PRKCE: variants seen among roughly 807,000 people sequenced by gnomAD.
PRKCE encodes the protein protein kinase C epsilon.
PRKCE carries 16 observed loss-of-function variants against 85.4 expected under a neutral mutation model. That is an observed-to-expected ratio of 0.19 (90% CI 0.13 to 0.28). The LOEUF (loss-of-function observed/expected upper bound fraction) is 0.28, where lower values mean the gene tolerates loss of function less well. Ranked by LOEUF, PRKCE falls within the 10% of genes least tolerant of loss-of-function variation. The pLI, the probability that PRKCE is intolerant of heterozygous loss-of-function variation, is 1.00. For synonymous variants in PRKCE, 388 were observed against 371.5 expected, an observed-to-expected ratio of 1.04 and a Z score of -0.51; for missense variants, 573 against 975.2, an observed-to-expected ratio of 0.59 and a Z score of 5.49.
intron 2 of PRKCE, among the ~76,000 whole-genome samples, chr2:45,918,854 A>G (rs1698032718): frequency 6.6e-6 from 1 of 152,218 alleles, no homozygotes; most frequent in Admixed American, 6.5e-5. Flanking sequence ...CCCAAAGGAC[A>G]GGCCGTATTA....
intron 2 of PRKCE, among the ~76,000 whole-genome samples, chr2:45,948,126 A>G (rs62128989): frequency 0.45 from 68,084 of 152,066 alleles, 15,633 homozygotes; most frequent in Middle Eastern, 0.56. Context: ...ACTGTGCAGA[A>G]CAATCACTTA....
intron 2 of PRKCE, among the ~76,000 whole-genome samples, chr2:45,926,471 A>G (rs1698626655): frequency 6.6e-6 from 1 of 152,112 alleles, no homozygotes; most frequent in Non-Finnish European, 1.5e-5. Flanking sequence ...TGGCGGTGAT[A>G]GTGGTGATAA....
At chr2:45,856,062 TA>T (rs199998110) in intron 2 of PRKCE, among the ~76,000 whole-genome samples, 1 of 151,418 alleles carries the variant, frequency 6.6e-6, no homozygotes, top group Middle Eastern at 3.2e-3. Context: ...TTCTTTCTTT[TA>T]AAAAAATTTT....
intron 1 of PRKCE, among the ~76,000 whole-genome samples, chr2:45,831,892 A>G (rs1218520448): frequency 6.6e-6 from 1 of 152,114 alleles, no homozygotes; most frequent in Non-Finnish European, 1.5e-5. Flanking sequence ...AAATAACACA[A>G]AAATATATAA....
intron 1 of PRKCE, among the ~76,000 whole-genome samples, chr2:45,832,056 C>A (rs1483607538): frequency 6.6e-6 from 1 of 152,030 alleles, no homozygotes; most frequent in East Asian, 1.9e-4. Context: ...TAAAACTGTT[C>A]TTTTTCTCAC....
At chr2:45,808,072 G>A (rs1368159509) in intron 1 of PRKCE, among the ~76,000 whole-genome samples, 3 of 152,140 alleles carry the variant, frequency 2.0e-5, no homozygotes, top group South Asian at 2.1e-4. Flanking sequence ...TCATGGTAGC[G>A]CATAGTGGTC....
chr2:45,845,925 G>A (rs888718975), intron 2 of PRKCE, among the ~76,000 whole-genome samples: 3 of 152,186 alleles, frequency 2.0e-5, no homozygotes, highest in Non-Finnish European at 2.9e-5. Context: ...GTCAGAGCTC[G>A]TGGCTGAGGG....
In PRKCE at chr2:46,159,719, G is replaced by C; in HGVS notation, c.2034G>C (p.Gln678His). The change falls in exon 14 of 15, where the codon CAG (glutamine) becomes CAC (histidine). Residue 678 changes from glutamine to histidine, a missense_variant. Gln to His is a conservative substitution (Grantham distance 24). Transcript: ENST00000306156. The surrounding 1 kb of genome is among the most constrained non-coding windows in gnomAD (Gnocchi z 4.1). ...AGATTGACTGGGTGCTCCTGGAGCAGAAGAAGATCAAGCCACCCTTCAAAC... is the reference window on the plus strand; with the variant it reads ...AGATTGACTGGGTGCTCCTGGAGCACAAGAAGATCAAGCCACCCTTCAAAC... ...FKEIDWVLLE[Q>H]KKIKPPFKPR... 1 of 1,599,344 alleles carries C rather than the reference G, an allele frequency of 6.3e-7. No individual in the cohort carries two copies. Among genetic ancestry groups the C allele is most frequent in the East Asian group, 2.2e-5 (1 of 44,872 alleles).
chr2:45,732,707 C>T (rs181645974), intron 1 of PRKCE, among the ~76,000 whole-genome samples: 139 of 152,306 alleles, frequency 9.1e-4, no homozygotes, highest in African/African-American at 3.2e-3. Context: ...CCTCAGCCAG[C>T]ACCTAACACA....
intron 1 of PRKCE, among the ~76,000 whole-genome samples, chr2:45,814,067 GGGAAT>G (rs1234816918): frequency 2.0e-5 from 3 of 152,150 alleles, no homozygotes; most frequent in Non-Finnish European, 4.4e-5. Context: ...CCGCACAGAG[GGGAAT>G]GATGCTGAGA....
chr2:46,098,218 G>A (rs1161253329), intron 11 of PRKCE, among the ~76,000 whole-genome samples: 1 of 152,110 alleles, frequency 6.6e-6, no homozygotes, highest in African/African-American at 2.4e-5. Flanking sequence ...TGGAACCCCT[G>A]GTCTCTAACC....
Position 46,160,192 on chromosome 2 carries a change from A to G in PRKCE, c.2067+440A>G, listed in dbSNP as rs61759996. The G allele has an allele frequency of 1.9e-3, 324 of 169,062 alleles. 1 individual carries two copies. Among genetic ancestry groups the G allele is most frequent in the African/African-American group, 7.6e-3 (316 of 41,676 alleles). The allele number at this position is 169,062 out of a possible 1,614,324, so 10.5% of individuals were successfully genotyped here. On this transcript the variant is annotated intron_variant, in intron 14 of 14. Coordinates refer to ENST00000306156, the MANE Select transcript of PRKCE (RefSeq NM_005400.3). ...AACTAGCACAGAGCATGAAGCTGGG[A>G]TTCACTGACTGGCAGCAGGAAGGAT...
chr2:45,757,670 A>T (rs1684122497), intron 1 of PRKCE, among the ~76,000 whole-genome samples: 1 of 152,138 alleles, frequency 6.6e-6, no homozygotes, highest in South Asian at 2.1e-4. Flanking sequence ...TGTCTCTATT[A>T]AAAAATAATA....
At chr2:45,787,306 A>G (rs1432323385) in intron 1 of PRKCE, among the ~76,000 whole-genome samples, 2 of 152,206 alleles carry the variant, frequency 1.3e-5, no homozygotes, top group African/African-American at 4.8e-5. Flanking sequence ...TTGGAGAACA[A>G]ATAGCCTAGT....
At chr2:45,991,346 G>C (rs974644036) in intron 6 of PRKCE, among the ~76,000 whole-genome samples, 2 of 150,906 alleles carry the variant, frequency 1.3e-5, no homozygotes, top group African/African-American at 2.4e-5. Flanking sequence ...CCAAATACAA[G>C]GTCCATGAGG....
At chr2:46,021,536 C>T (rs1008480156) in intron 10 of PRKCE, among the ~76,000 whole-genome samples, 1 of 152,086 alleles carries the variant, frequency 6.6e-6, no homozygotes, top group African/African-American at 2.4e-5. Context: ...AAAGCATAGT[C>T]CTCCCTTTAG....
chr2:45,982,401 G>A (rs1241207983), intron 5 of PRKCE, among the ~76,000 whole-genome samples: 2 of 152,192 alleles, frequency 1.3e-5, no homozygotes, highest in Non-Finnish European at 2.9e-5. Flanking sequence ...GTGCTCTGGT[G>A]ATGGACTTCT....
At chr2:45,702,176 G>A (rs982332941) in intron 1 of PRKCE, among the ~76,000 whole-genome samples, 10 of 152,078 alleles carry the variant, frequency 6.6e-5, no homozygotes, top group East Asian at 1.9e-4. Context: ...GTGACAGAGC[G>A]AGACTGTCTC....
At chr2:46,110,091 G>A (rs1206159386) in intron 11 of PRKCE, among the ~76,000 whole-genome samples, 1 of 152,064 alleles carries the variant, frequency 6.6e-6, no homozygotes, top group African/African-American at 2.4e-5. Flanking sequence ...TGTTAGGCTT[G>A]CTAATTTTTT....
Sources: gnomAD v4.1 joint callset for allele counts (sites outside exome capture counted in the v4.1 genomes callset) on GRCh38, gnomAD v4.1.1 for gene constraint, Gnocchi (gnomAD v3.1) non-coding constraint, MANE v1.5 for transcripts, NCBI Gene and HGNC (gene_info 2026-07-23, HGNC 2026-07-21) for gene names.